Variants in FRMD8 observed in about 807,000 individuals in gnomAD.
The protein encoded by FRMD8 is FERM domain-containing protein 8.
In FRMD8, 37 loss-of-function variants were observed where a neutral mutation model predicts 54.2. The ratio of observed to expected loss-of-function variants is 0.68; its 90% CI spans 0.53 to 0.90. The LOEUF is 0.90. Among genes scored for constraint, FRMD8 ranks in the 40% least tolerant of loss-of-function variants. The pLI, the probability that FRMD8 is intolerant of heterozygous loss-of-function variation, is 0.00. For synonymous variants in FRMD8, 246 were observed against 286.9 expected (o/e 0.86, Z 1.44); for missense variants, 585 against 653.7 (o/e 0.89, Z 1.15).
intron 7 of FRMD8, among the ~76,000 whole-genome samples, chr11:65,397,309 ATTG>A (rs1257242635): frequency 1.9e-4 from 29 of 152,262 alleles, no homozygotes; most frequent in African/African-American, 6.5e-4. Flanking sequence ...CTGTCACGCA[ATTG>A]TTGTCTAACA....
chr11:65,412,079 C>A lies in FRMD8; in HGVS notation c.*719C>A, dbSNP rs1856346581. On this transcript the variant is annotated 3_prime_UTR_variant, in exon 11 of 11. Transcript: ENST00000317568. ...TGGTCTCCTTTGCAGGCACGAGATACCAGAAAGAGCATGCCTTTCTGATAG... is the reference window on the plus strand; with the variant it reads ...TGGTCTCCTTTGCAGGCACGAGATAACAGAAAGAGCATGCCTTTCTGATAG... 6.6e-6 allele frequency: 1 copy of A among 152,230 alleles called. No homozygotes were observed. Among genetic ancestry groups the A allele is most frequent in the Non-Finnish European group, 1.5e-5 (1 of 68,066 alleles). The allele number at this position is 152,230 out of a possible 1,614,324, so 9.4% of individuals were successfully genotyped here.
At chr11:65,411,187 C>A in intron 10 of FRMD8, 55 bp from the exon 11 acceptor site, 2 of 1,423,950 alleles carry the variant, frequency 1.4e-6, no homozygotes, top group African/African-American at 1.4e-5. Flanking sequence ...TGGGCCTGAG[C>A]CCCCTCACAC....
At position 65,397,012 on chromosome 11, in the gene FRMD8, G is replaced by A. The variant is rs752507189; in HGVS notation, c.795G>A (p.Pro265=). ...RAYLLKCHEL[P]FYGCAFFHGE... is the part of the protein sequence containing the mutation. ...ATCTCCTCAAGTGCCACGAGCTGCC[G>A]TTTTATGGGTAAGAGCCACAGCCCC... The change falls in exon 7 of 11, where the codon CCG becomes CCA. Residue 265 remains proline (P), a synonymous_variant. Coordinates refer to ENST00000317568, the MANE Select transcript of FRMD8 (RefSeq NM_031904.5). The A allele has an allele frequency of 3.0e-5, 44 of 1,451,248 alleles. No individual in the cohort carries two copies. The highest frequency in any genetic ancestry group is 5.2e-5 in the Admixed American group (2 of 38,146). The allele number at this position is 1,451,248 out of a possible 1,614,324, so 89.9% of individuals were successfully genotyped here.
At chr11:65,378,200 GAC>G in the FRMD8 span, 1 of 152,198 alleles carries the variant, frequency 6.6e-6, no homozygotes, top group Admixed American at 6.5e-5. Flanking sequence ...CCAGGTGACA[GAC>G]ACCCCCACAG....
At chr11:65,408,089 T>C (rs1286486101) in intron 10 of FRMD8, among the ~76,000 whole-genome samples, 7 of 151,560 alleles carry the variant, frequency 4.6e-5, no homozygotes, top group Admixed American at 3.9e-4. Context: ...TTTTTTTTTT[T>C]TGGAGACGGA....
At chr11:65,410,238 C>A (rs1206398511) in intron 10 of FRMD8, among the ~76,000 whole-genome samples, 8 of 152,336 alleles carry the variant, frequency 5.3e-5, no homozygotes, top group African/African-American at 1.9e-4. Flanking sequence ...TGGCCCACGC[C>A]TGTAATCCCA....
rs367886788 is a variant in FRMD8, at chr11:65,404,566, C to G, written c.1072-298C>G. On this transcript the variant is annotated intron_variant, in intron 9 of 10. Coordinates refer to ENST00000317568, the MANE Select transcript of FRMD8 (RefSeq NM_031904.5). The surrounding 1 kb of genome is among the most constrained non-coding windows in gnomAD (Gnocchi z 4.7). ...CTCTGCAGCAGCTGGCTCCCTACCC[C>G]CTCCCTCCCCACCTGCTTCTGCCCA... Among the ~76,000 whole-genome samples, 2 of 151,892 alleles carry G rather than the reference C, an allele frequency of 1.3e-5. No homozygotes were observed. The highest frequency in any genetic ancestry group is 4.8e-5 in the African/African-American group (2 of 41,316).
At chr11:65,382,225 A>G (rs1855609274), upstream of FRMD8, 4 of 527,480 alleles carry the variant, frequency 7.6e-6, no homozygotes, top group East Asian at 3.2e-5. The surrounding 1 kb of genome is among the most constrained non-coding windows in gnomAD (Gnocchi z 4.4). Flanking sequence ...CCGGCCAATG[A>G]TCCTCGCTCT....
intron 6 of FRMD8, among the ~76,000 whole-genome samples, chr11:65,395,369 G>A (rs748170166): frequency 7.2e-5 from 11 of 151,938 alleles, no homozygotes; most frequent in Admixed American, 2.6e-4. Context: ...GAGAAACCCC[G>A]TCTCTACTAA....
intron 2 of FRMD8, among the ~76,000 whole-genome samples, chr11:65,388,499 C>G (rs1423909809): frequency 6.6e-6 from 1 of 152,182 alleles, no homozygotes; most frequent in Non-Finnish European, 1.5e-5. Flanking sequence ...CAACTGACAA[C>G]TTAAATTGAC....
At position 65,411,293 on chromosome 11, in the gene FRMD8, G is replaced by A. The variant is rs368785338; in HGVS notation, c.1328G>A (p.Arg443Gln). The A allele has an allele frequency of 8.8e-5, 142 of 1,609,558 alleles. No individual in the cohort carries two copies. Among genetic ancestry groups the A allele is most frequent in the East Asian group, 1.3e-4 (6 of 44,776 alleles). The change falls in exon 11 of 11, where the codon CGG (arginine) becomes CAG (glutamine). Residue 443 changes from arginine to glutamine, a missense_variant. Transcript: ENST00000317568. ...AAGCGCACCACATCCTTCTTCAGCC[G>A]GCAGCTGTCCTTGGGCCAGGGGAGC... ...KPKRTTSFFSRQLSLGQGSYT... is the reference protein window; with the variant it reads ...KPKRTTSFFSQQLSLGQGSYT...
chr11:65,371,700 C>T, the FRMD8 span, among the ~76,000 whole-genome samples: 31 of 152,334 alleles, frequency 2.0e-4, no homozygotes, highest in African/African-American at 6.7e-4. Flanking sequence ...CTGCAACCTC[C>T]GCCTCTCTGG....
At chr11:65,368,366 C>T in the FRMD8 span, among the ~76,000 whole-genome samples, 1 of 151,352 alleles carries the variant, frequency 6.6e-6, no homozygotes, top group African/African-American at 2.4e-5. Flanking sequence ...TGAGCCACTG[C>T]GCTTGGCCAT....
At chr11:65,401,225 C>T (rs993148192) in intron 9 of FRMD8, among the ~76,000 whole-genome samples, 1 of 152,028 alleles carries the variant, frequency 6.6e-6, no homozygotes, top group African/African-American at 2.4e-5. Flanking sequence ...GGCGTGGAAA[C>T]GTTGGGCCTC....
chr11:65,395,207 A>C (rs1855927424), intron 6 of FRMD8, among the ~76,000 whole-genome samples: 1 of 149,944 alleles, frequency 6.7e-6, no homozygotes, highest in Non-Finnish European at 1.5e-5. Flanking sequence ...AGGGCATGTC[A>C]CTGCACTCCA....
the FRMD8 span, chr11:65,376,655 C>A: frequency 1.9e-6 from 3 of 1,613,902 alleles, no homozygotes; most frequent in Non-Finnish European, 2.5e-6. Flanking sequence ...AAGCCCCCTG[C>A]CACCAGCACC....
At chr11:65,382,122 A>C (rs908154107), upstream of FRMD8, 2 of 655,150 alleles carry the variant, frequency 3.1e-6, no homozygotes, top group Non-Finnish European at 5.5e-6. The surrounding 1 kb of genome is among the most constrained non-coding windows in gnomAD (Gnocchi z 4.4). Context: ...AGAGCGAGCC[A>C]GTTCCGGTGA....
At chr11:65,380,552 C>G in the FRMD8 span, 18 of 1,336,056 alleles carry the variant, frequency 1.3e-5, no homozygotes, top group Non-Finnish European at 1.8e-5. Flanking sequence ...GAGCTTTACT[C>G]TTCTTTCTTC....
chr11:65,377,303 C>T, the FRMD8 span: 2 of 1,391,598 alleles, frequency 1.4e-6, no homozygotes, highest in Non-Finnish European at 1.9e-6. Context: ...GTGAGAGGCA[C>T]TGCCCCTCAT....
Sources: gnomAD v4.1 joint callset for allele counts (sites outside exome capture counted in the v4.1 genomes callset) on GRCh38, gnomAD v4.1.1 for gene constraint, Gnocchi (gnomAD v3.1) non-coding constraint, MANE v1.5 for transcripts, NCBI Gene and HGNC (gene_info 2026-07-23, HGNC 2026-07-21) for gene names.